Variants in PDE4B observed in about 807,000 individuals in gnomAD.
The protein encoded by PDE4B is phosphodiesterase 4B, also known as 3',5'-cyclic-AMP phosphodiesterase 4B.
In PDE4B, 20 loss-of-function variants were observed where a neutral mutation model predicts 82.2. The observed-to-expected ratio is 0.24, with a 90% CI of 0.17 to 0.35. The LOEUF is 0.35. Ranked by LOEUF, PDE4B falls within the 10% of genes least tolerant of loss-of-function variation. PDE4B has a pLI of 1.00. For synonymous variants in PDE4B, 320 were observed against 318.9 expected, an observed-to-expected ratio of 1.00 and a Z score of -0.04; for missense variants, 655 against 907.2, an observed-to-expected ratio of 0.72 and a Z score of 3.57.
intron 3 of PDE4B, among the ~76,000 whole-genome samples, chr1:65,953,596 T>G (rs941593699): frequency 6.6e-6 from 1 of 152,054 alleles, no homozygotes; most frequent in Non-Finnish European, 1.5e-5. Context: ...CCAGTGGGAG[T>G]GCCTTGCTGG....
intron 7 of PDE4B, among the ~76,000 whole-genome samples, chr1:66,300,125 T>C (rs796946132): frequency 1.3e-5 from 2 of 152,120 alleles, no homozygotes; most frequent in African/African-American, 4.8e-5. Context: ...CTTTCAAAGG[T>C]TCTATTTTAT....
intron 1 of PDE4B, among the ~76,000 whole-genome samples, chr1:65,802,108 A>G (rs1440374104): frequency 6.6e-6 from 1 of 152,256 alleles, no homozygotes; most frequent in Non-Finnish European, 1.5e-5. Context: ...ATAGCAGTTA[A>G]GATTGCATTC....
chr1:65,943,158 C>T (rs996342887), intron 3 of PDE4B, among the ~76,000 whole-genome samples: 1 of 151,850 alleles, frequency 6.6e-6, no homozygotes, highest in Non-Finnish European at 1.5e-5. Context: ...TTACATTTAA[C>T]TCTTAAATCA....
intron 3 of PDE4B, among the ~76,000 whole-genome samples, chr1:66,187,161 C>A (rs1258765081): frequency 3.3e-5 from 5 of 152,082 alleles, no homozygotes; most frequent in African/African-American, 1.2e-4. Context: ...GTTGAACCAG[C>A]CTTGCATCCC....
At chr1:65,920,600 G>A (rs1335932068) in intron 3 of PDE4B, among the ~76,000 whole-genome samples, 6 of 152,084 alleles carry the variant, frequency 3.9e-5, no homozygotes, top group African/African-American at 1.4e-4. Flanking sequence ...TACCTCATAG[G>A]CTATTGTGAG....
chr1:66,157,098 C>A (rs765080219), intron 3 of PDE4B, among the ~76,000 whole-genome samples: 1 of 152,152 alleles, frequency 6.6e-6, no homozygotes, highest in African/African-American at 2.4e-5. Context: ...CCTGGAGGAC[C>A]CTGCTGTAAT....
intron 3 of PDE4B, among the ~76,000 whole-genome samples, chr1:66,225,123 C>A (rs1429938142): frequency 6.6e-6 from 1 of 152,170 alleles, no homozygotes; most frequent in Non-Finnish European, 1.5e-5. Flanking sequence ...CAATTTCTCT[C>A]TCTCTCTCAA....
At chr1:66,233,537 G>A (rs1399294647) in intron 3 of PDE4B, among the ~76,000 whole-genome samples, 1 of 152,078 alleles carries the variant, frequency 6.6e-6, no homozygotes, top group East Asian at 1.9e-4. Flanking sequence ...ATTGCACTGG[G>A]TAAAACCTCC....
intron 4 of PDE4B, among the ~76,000 whole-genome samples, chr1:66,251,243 C>T (rs1374162944): frequency 6.6e-6 from 1 of 152,100 alleles, no homozygotes; most frequent in Non-Finnish European, 1.5e-5. Context: ...TCCATATCCC[C>T]AATGTGGTAG....
intron 1 of PDE4B, among the ~76,000 whole-genome samples, chr1:65,815,039 T>C (rs1410860156): frequency 6.8e-6 from 1 of 146,458 alleles, no homozygotes; most frequent in African/African-American, 2.5e-5. Flanking sequence ...ATTTATTTAT[T>C]TATTTATTTA....
At chr1:66,160,011 G>T (rs1298672443) in intron 3 of PDE4B, among the ~76,000 whole-genome samples, 1 of 152,176 alleles carries the variant, frequency 6.6e-6, no homozygotes, top group Non-Finnish European at 1.5e-5. Flanking sequence ...TTTTAATAGG[G>T]ACTTTACATA....
chr1:66,026,142 T>C (rs910138334), intron 3 of PDE4B, among the ~76,000 whole-genome samples: 4 of 152,222 alleles, frequency 2.6e-5, no homozygotes, highest in African/African-American at 9.6e-5. Context: ...TTTTCACTTT[T>C]ACAAACCTAG....
chr1:65,818,685 C>CACACACACATATATATATATATATAT (rs141035147), intron 1 of PDE4B, among the ~76,000 whole-genome samples: 1 of 143,764 alleles, frequency 7.0e-6, no homozygotes, highest in African/African-American at 2.6e-5. Context: ...CACACACACA[C>CACACACACATATATATATATATATAT]ATATATATAT....
At chr1:65,876,526 G>T (rs2100323747) in intron 1 of PDE4B, among the ~76,000 whole-genome samples, 1 of 152,098 alleles carries the variant, frequency 6.6e-6, no homozygotes, top group East Asian at 1.9e-4. Context: ...ATTGTATTTA[G>T]TAGTAAATCT....
At chr1:66,262,079 A>G (rs539701) in intron 6 of PDE4B, among the ~76,000 whole-genome samples, 10,994 of 152,278 alleles carry the variant, frequency 0.072, 1,260 homozygotes, top group African/African-American at 0.25. Context: ...TCCAAAGCAT[A>G]ATTTAATGAA....
chr1:65,898,329 T>C (rs1334976526), intron 1 of PDE4B, among the ~76,000 whole-genome samples: 4 of 152,142 alleles, frequency 2.6e-5, no homozygotes, highest in African/African-American at 9.7e-5. Context: ...ATTTCTTTAG[T>C]TTGATTAGGT....
chr1:66,349,907 A>G (rs1661693306), intron 8 of PDE4B, among the ~76,000 whole-genome samples: 1 of 152,142 alleles, frequency 6.6e-6, no homozygotes, highest in South Asian at 2.1e-4. Flanking sequence ...CCTGAAAGTC[A>G]AAAGGAAGAT....
At chr1:65,829,002 T>A (rs1036366673) in intron 1 of PDE4B, among the ~76,000 whole-genome samples, 4 of 152,132 alleles carry the variant, frequency 2.6e-5, no homozygotes, top group Admixed American at 2.6e-4. Flanking sequence ...GCCAGTTAAA[T>A]GTCAGAGATT....
chr1:66,372,165 C>T, intron 16 of PDE4B, 148 bp from the exon 17 acceptor site: 1 of 757,024 alleles, frequency 1.3e-6, no homozygotes, highest in South Asian at 1.7e-5. Flanking sequence ...GTAAGACCCA[C>T]TGTATTGTGA....
Sources: allele counts gnomAD v4.1 joint callset (sites outside exome capture counted in the v4.1 genomes callset), GRCh38; gene constraint gnomAD v4.1.1; transcripts MANE v1.5; gene names NCBI Gene and HGNC (gene_info 2026-07-23, HGNC 2026-07-21).